DPP9: variants seen among roughly 807,000 people sequenced by gnomAD.
DPP9 encodes dipeptidyl peptidase IV-related protein-2.
Under a neutral mutation model 110.7 loss-of-function variants are expected in DPP9, and 50 were observed. The observed-to-expected ratio is 0.45, with a 90% confidence interval of 0.36 to 0.57. The LOEUF is 0.57. DPP9 is among the 20% of genes least tolerant of loss of function. DPP9 has a pLI of 0.00. For missense variants in DPP9, 1,022 were observed against 1,217.9 expected, an observed-to-expected ratio of 0.84 and a Z score of 2.39; for synonymous variants, 561 against 514.4, an observed-to-expected ratio of 1.09 and a Z score of -1.23.
In DPP9 at chr19:4,710,096, C is replaced by A. The variant is rs1048725011; in HGVS notation, c.313+3985G>T. 6.6e-6 allele frequency among the ~76,000 whole-genome samples: 1 copy of A among 152,238 alleles called. No homozygotes were observed. The highest frequency in any genetic ancestry group is 1.5e-5 in the Non-Finnish European group (1 of 68,036). ...GGATTTCTGCTGCCCCATCCCTCCT[C>A]GGACCTCCCTCACCAGCTCTGCCCC... On this transcript the variant is annotated intron_variant, in intron 4 of 21. Coordinates refer to ENST00000262960, the MANE Select transcript of DPP9 (RefSeq NM_139159.5). This position sits in a 1 kb window ranked among gnomAD's most constrained non-coding sequence, Gnocchi z 5.6.
In DPP9 at chr19:4,719,836, C is replaced by T. The variant is rs772334145; in HGVS notation, c.56+15G>A. On this transcript the variant is annotated intron_variant, in intron 3 of 21. Transcript: ENST00000262960. Reference sequence around the variant, plus strand: ...CCACATCCTCACGGATCAGGGCCTCCGAGGCCAACCTCACCTTCTCCAACT... The same window carrying T: ...CCACATCCTCACGGATCAGGGCCTCTGAGGCCAACCTCACCTTCTCCAACT... 39 of 1,551,616 alleles carry T rather than the reference C, an allele frequency of 2.5e-5. No individual in the cohort carries two copies. The highest frequency in any genetic ancestry group is 7.3e-5 in the East Asian group (3 of 40,928).
At position 4,698,631 on chromosome 19, in the gene DPP9, C is replaced by G. The variant is rs2091994815; in HGVS notation, c.1075-980G>C. ...AGGTGTGGTGGTGCATGCCTGTAGT[C>G]CCAGCTACTCAAGAGGCTGAGGCAA... On this transcript the variant is annotated intron_variant, in intron 10 of 21. Coordinates refer to ENST00000262960, the MANE Select transcript of DPP9 (RefSeq NM_139159.5). This position sits in a 1 kb window ranked among gnomAD's most constrained non-coding sequence, Gnocchi z 4.2. 6.6e-6 allele frequency among the ~76,000 whole-genome samples: 1 copy of G among 152,164 alleles called. No homozygotes were observed. The highest frequency in any genetic ancestry group is 2.1e-4 in the South Asian group (1 of 4,830).
At chr19:4,690,190 G>A (rs2091186310) in intron 14 of DPP9, among the ~76,000 whole-genome samples, 1 of 152,222 alleles carries the variant, frequency 6.6e-6, no homozygotes, top group Non-Finnish European at 1.5e-5. Flanking sequence ...GGTGTCTCCT[G>A]GAGGAGTGGG....
At chr19:4,713,486 G>A (rs763176561) in intron 4 of DPP9, among the ~76,000 whole-genome samples, 2 of 152,228 alleles carry the variant, frequency 1.3e-5, no homozygotes, top group Non-Finnish European at 2.9e-5. Flanking sequence ...GCAGGCACAC[G>A]CCCAGAGGAG....
intron 1 of DPP9, 30 bp from the exon 2 acceptor site, chr19:4,722,581 G>A: frequency 1.4e-6 from 1 of 702,838 alleles, no homozygotes; most frequent in Non-Finnish European, 2.6e-6. Flanking sequence ...CATGAATGTG[G>A]CAGGTTAATG....
intron 2 of DPP9, among the ~76,000 whole-genome samples, chr19:4,721,170 C>T (rs981652833): frequency 1.3e-5 from 2 of 152,188 alleles, no homozygotes; most frequent in Non-Finnish European, 2.9e-5. Context: ...GACAGAACAG[C>T]CCCCCTCCCA....
intron 21 of DPP9, among the ~76,000 whole-genome samples, chr19:4,678,538 G>A (rs2089244630): frequency 6.6e-6 from 1 of 152,172 alleles, no homozygotes; most frequent in Non-Finnish European, 1.5e-5. Flanking sequence ...CTGGCCCCTG[G>A]GAAGGCAGTG....
intron 14 of DPP9, among the ~76,000 whole-genome samples, chr19:4,690,077 C>T (rs549803598): frequency 3.3e-5 from 5 of 152,348 alleles, no homozygotes; most frequent in African/African-American, 7.2e-5. Context: ...CAGGGAAACC[C>T]GGCAGTCCCC....
intron 7 of DPP9, among the ~76,000 whole-genome samples, chr19:4,703,372 C>G (rs1216094106): frequency 6.6e-6 from 1 of 151,428 alleles, no homozygotes; most frequent in East Asian, 2.0e-4. Flanking sequence ...TGCCTGTAAT[C>G]TCAGGACCTT....
intron 19 of DPP9, 147 bp downstream of exon 19, chr19:4,683,330 G>T: frequency 6.8e-7 from 1 of 1,466,728 alleles, no homozygotes; most frequent in South Asian, 1.4e-5. Context: ...GGCTGCTGCA[G>T]GGAGAAACAG....
At chr19:4,680,496 G>A (rs2089691558) in intron 20 of DPP9, among the ~76,000 whole-genome samples, 1 of 151,694 alleles carries the variant, frequency 6.6e-6, no homozygotes, top group African/African-American at 2.4e-5. Context: ...TGGGTGGATT[G>A]AGTCCAGTTG....
In DPP9 at chr19:4,689,696, C is replaced by T; in HGVS notation, c.1623G>A (p.Leu541=). ...SKIWVNEETK[L]VYFQGTKDTP... ...TGTCCTTGGTGCCCTGGAAGTACAC[C>T]AGCTTGGTCTCCTCATTGACCCAGA... Residue 541 remains leucine, a synonymous_variant, in exon 15 of 22, where the codon CTG becomes CTA. Transcript: ENST00000262960. This position sits in a 1 kb window ranked among gnomAD's most constrained non-coding sequence, Gnocchi z 7.0. 1.3e-6 allele frequency: 2 copies of T among 1,553,750 alleles called. No individual in the cohort carries two copies. Among genetic ancestry groups the T allele is most frequent in the Non-Finnish European group, 1.7e-6 (2 of 1,148,142 alleles).
intron 10 of DPP9, among the ~76,000 whole-genome samples, chr19:4,699,495 G>C (rs1487169506): frequency 6.6e-6 from 1 of 152,132 alleles, no homozygotes; most frequent in East Asian, 1.9e-4. Flanking sequence ...GGAGGGCAGG[G>C]ATGTGAGAGA....
At chr19:4,714,049 C>T (rs374989979) in intron 4 of DPP9, 32 bp downstream of exon 4, 19 of 1,583,516 alleles carry the variant, frequency 1.2e-5, no homozygotes, top group Non-Finnish European at 1.5e-5. Context: ...AGATGCTGTC[C>T]CCGCCCAAGC....
intron 10 of DPP9, among the ~76,000 whole-genome samples, chr19:4,699,712 A>G (rs1330283068): frequency 6.6e-6 from 1 of 151,384 alleles, no homozygotes; most frequent in Non-Finnish European, 1.5e-5. Flanking sequence ...GGTCGGGGGG[A>G]TGGGGATCCA....
chr19:4,697,583 G>T lies in DPP9; in HGVS notation c.1143C>A (p.Ile381=). The change falls in exon 11 of 22, where the codon ATC becomes ATA. Residue 381 remains isoleucine, a synonymous_variant. Coordinates refer to ENST00000262960, the MANE Select transcript of DPP9 (RefSeq NM_139159.5). ...FSSLFPKVEY[I]ARAGWTRDGK... ...CATCCCGGGTCCACCCGGCCCTGGC[G>T]ATGTACTCCACCTTCGGGAACAGCG... The T allele has an allele frequency of 6.2e-7, 1 of 1,613,892 alleles. No homozygotes were observed. Among genetic ancestry groups the T allele is most frequent in the Non-Finnish European group, 8.5e-7 (1 of 1,179,848 alleles).
rs2091656323 is a variant in DPP9, at chr19:4,694,876, GGT to G, written c.1354-55_1354-54del. On this transcript the variant is annotated intron_variant, in intron 12 of 21. Coordinates refer to ENST00000262960, the MANE Select transcript of DPP9 (RefSeq NM_139159.5). This position sits in a 1 kb window ranked among gnomAD's most constrained non-coding sequence, Gnocchi z 4.0. ...TCAGAAGGTGTGGGTGGCCGGGCAT[GGT>G]GGCTCACACCAGTAATCCCAGTAGT... 1 of 1,581,832 alleles carries G rather than the reference GGT, an allele frequency of 6.3e-7. No homozygotes were observed. Among genetic ancestry groups the G allele is most frequent in the Admixed American group, 1.7e-5 (1 of 58,756 alleles).
intron 7 of DPP9, 81 bp downstream of exon 7, chr19:4,703,805 C>G: frequency 6.8e-7 from 1 of 1,461,818 alleles, no homozygotes; most frequent in Non-Finnish European, 9.3e-7. Context: ...GCAGGAAGAC[C>G]CTGGCTGTGG....
At chr19:4,696,784 C>T (rs2091838380) in intron 11 of DPP9, among the ~76,000 whole-genome samples, 2 of 151,878 alleles carry the variant, frequency 1.3e-5, no homozygotes, top group East Asian at 1.9e-4. Context: ...GGAGTGGTGA[C>T]TCACACCCAC....
Sources: gnomAD v4.1 joint callset for allele counts (sites outside exome capture counted in the v4.1 genomes callset) on GRCh38, gnomAD v4.1.1 for gene constraint, Gnocchi (gnomAD v3.1) non-coding constraint, MANE v1.5 for transcripts, NCBI Gene and HGNC (gene_info 2026-07-23, HGNC 2026-07-21) for gene names.